Variants in RNF213 observed in about 807,000 individuals in gnomAD.
RNF213 encodes the protein ring finger protein 213, also known as E3 ubiquitin-protein ligase RNF213.
In RNF213, 341 loss-of-function variants were observed where a neutral mutation model predicts 514.4. The observed-to-expected ratio is 0.66, with a 90% CI of 0.61 to 0.73. The LOEUF (loss-of-function observed/expected upper bound fraction) is 0.73, where lower values mean the gene tolerates loss of function less well. Among genes scored for constraint, RNF213 ranks in the 30% least tolerant of loss-of-function variants. The pLI is 0.00. For missense variants in RNF213, 5,767 were observed against 6,615.6 expected (o/e 0.87, Z 4.45); for synonymous variants, 2,655 against 2,658.2 (o/e 1.00, Z 0.04).
In RNF213 at chr17:80,288,673, G is replaced by A. The variant is rs1200643587; in HGVS notation, c.851G>A (p.Gly284Glu). ...GCTGAGCCAGCCAATGCAGTTAAAG[G>A]GGCCGGGAAGGAAATGAAAGAGAAG... is the stretch of plus-strand genomic sequence containing the variant. ...AVAEPANAVK[G>E]AGKEMKEKTQ... is the part of the protein sequence containing the mutation. The change falls in exon 5 of 68, where the codon GGG becomes GAG. Residue 284 changes from glycine (G) to glutamate (E), a missense_variant. Gly to Glu is a moderately conservative substitution (Grantham distance 98). This residue lies in a region of RNF213 where 509 missense variants were observed against 496.7 expected (regional missense o/e 1.02). Transcript: ENST00000582970. This position sits in a 1 kb window ranked among gnomAD's most constrained non-coding sequence, Gnocchi z 4.9. The A allele has an allele frequency of 1.2e-6, 2 of 1,614,056 alleles. No homozygotes were observed. Among genetic ancestry groups the A allele is most frequent in the Non-Finnish European group, 1.7e-6 (2 of 1,180,040 alleles).
intron 44 of RNF213, 84 bp downstream of exon 44, chr17:80,368,227 A>G: frequency 2.1e-6 from 3 of 1,439,962 alleles, no homozygotes; most frequent in Middle Eastern, 1.7e-4. Flanking sequence ...TATAAACTCT[A>G]TTAACCTTCA....
chr17:80,345,365 G>C lies in RNF213; in HGVS notation c.7030G>C (p.Asp2344His), dbSNP rs765753313. The part of the protein sequence containing the change: ...SHLTGKVIKR[D>H]VMTRDLYQGL... Reference sequence around the variant, plus strand: ...CTTGACTGGGAAGGTCATCAAGAGAGACGTCATGACCAGGGACCTGTACCA... The same window carrying C: ...CTTGACTGGGAAGGTCATCAAGAGACACGTCATGACCAGGGACCTGTACCA... Residue 2344 changes from aspartate to histidine, a missense_variant, in exon 29 of 68, where the codon GAC becomes CAC. Asp to His is a moderately conservative substitution (Grantham distance 81). This residue lies in a region of RNF213 where 1,377 missense variants were observed against 1,635.2 expected (regional missense o/e 0.84). Coordinates refer to ENST00000582970, the MANE Select transcript of RNF213 (RefSeq NM_001256071.3). This position sits in a 1 kb window ranked among gnomAD's most constrained non-coding sequence, Gnocchi z 6.0. 1.2e-6 allele frequency: 2 copies of C among 1,614,120 alleles called. No homozygotes were observed. The highest frequency in any genetic ancestry group is 1.7e-6 in the Non-Finnish European group (2 of 1,180,034).
intron 61 of RNF213, 47 bp downstream of exon 61, chr17:80,385,668 G>T (rs749963950): frequency 2.6e-6 from 4 of 1,515,656 alleles, no homozygotes; most frequent in African/African-American, 1.4e-5. Flanking sequence ...GGAGAGCCTC[G>T]TCTGAAAGCT....
chr17:80,292,313 C>T (rs776086314), intron 8 of RNF213, among the ~76,000 whole-genome samples: 1 of 152,086 alleles, frequency 6.6e-6, no homozygotes, highest in Non-Finnish European at 1.5e-5. Context: ...GGTGATCTGC[C>T]CTCCTCGACC....
At chr17:80,327,490 A>G (rs188798935) in intron 18 of RNF213, among the ~76,000 whole-genome samples, 1 of 152,306 alleles carries the variant, frequency 6.6e-6, no homozygotes, top group East Asian at 1.9e-4. Context: ...AAAAAAAAAA[A>G]AAAAGGAAGT....
At chr17:80,290,753 G>A in intron 7 of RNF213, 25 bp downstream of exon 7, 1 of 1,613,902 alleles carries the variant, frequency 6.2e-7, no homozygotes, top group Non-Finnish European at 8.5e-7. Context: ...AGGCTTGGGA[G>A]GAATCCCTCA....
chr17:80,273,335 C>T lies in RNF213; in HGVS notation c.192C>T (p.Phe64=), dbSNP rs2043893438. Residue 64 remains phenylalanine, a synonymous_variant, in exon 3 of 68, where the codon TTC becomes TTT. Transcript: ENST00000582970. Reference sequence around the variant, plus strand: ...AGGAGGAAGGGGGCCCGTGCTTGTTCCCGGGCTCAGACAGTTGGCAAGAAA... The same window carrying T: ...AGGAGGAAGGGGGCCCGTGCTTGTTTCCGGGCTCAGACAGTTGGCAAGAAA... The part of the protein sequence containing the change: ...ELKEEGGPCL[F]PGSDSWQENP... The T allele has an allele frequency of 1.2e-6, 2 of 1,613,356 alleles. No homozygotes were observed. The highest frequency in any genetic ancestry group is 1.7e-6 in the Non-Finnish European group (2 of 1,180,006).
intron 17 of RNF213, among the ~76,000 whole-genome samples, chr17:80,322,430 G>A (rs556009794): frequency 1.1e-3 from 175 of 152,200 alleles, no homozygotes; most frequent in African/African-American, 4.0e-3. Context: ...CAAACAATTA[G>A]CTGGGCATGG....
At position 80,353,390 on chromosome 17, in the gene RNF213, C is replaced by T. The variant is rs2078604256; in HGVS notation, c.10424-122C>T. The stretch of plus-strand genomic sequence containing the variant: ...GATCTCTCATCTGGGGACCTAGCAC[C>T]ACAGCAGGGGCCGGGGAAGCCTGCA... On this transcript the variant is annotated intron_variant, in intron 33 of 67. Coordinates refer to ENST00000582970, the MANE Select transcript of RNF213 (RefSeq NM_001256071.3). The surrounding 1 kb of genome is among the most constrained non-coding windows in gnomAD (Gnocchi z 5.0). 8.6e-7 allele frequency: 1 copy of T among 1,163,298 alleles called. No individual in the cohort carries two copies. The highest frequency in any genetic ancestry group is 1.3e-5 in the South Asian group (1 of 75,822). 72.1% of individuals were successfully genotyped at this position (1,163,298 alleles called of 1,614,324 possible).
intron 13 of RNF213, 110 bp downstream of exon 13, chr17:80,307,311 T>G: frequency 1.2e-6 from 1 of 824,546 alleles, no homozygotes; most frequent in Non-Finnish European, 2.1e-6. Flanking sequence ...AGCAAGGTCA[T>G]AAATTAATAT....
chr17:80,308,270 C>G (rs1174845439), intron 13 of RNF213, among the ~76,000 whole-genome samples: 2 of 152,064 alleles, frequency 1.3e-5, no homozygotes, highest in South Asian at 2.1e-4. Context: ...GAGGATCCCC[C>G]CCACAAGCTC....
rs1384163838 is a variant in RNF213, at chr17:80,393,955, CAT to C, written c.*462_*463del. On this transcript the variant is annotated 3_prime_UTR_variant, in exon 68 of 68. Transcript: ENST00000582970. ...ATTCCCTTAAATTCTGAGTACTGTA[CAT>C]ATATTTCTGGGTTCCCACGATGATG... 1 of 165,632 alleles carries C rather than the reference CAT, an allele frequency of 6.0e-6. No homozygotes were observed. The highest frequency in any genetic ancestry group is 1.3e-5 in the Non-Finnish European group (1 of 75,524). 10.3% of individuals were successfully genotyped at this position (165,632 alleles called of 1,614,324 possible).
At chr17:80,364,608 A>C (rs1222196796) in intron 42 of RNF213, 55 bp downstream of exon 42, 42 of 1,611,304 alleles carry the variant, frequency 2.6e-5, no homozygotes, top group Non-Finnish European at 3.6e-5. Context: ...TTCCGAAAGG[A>C]AGAACAGCAC....
chr17:80,369,358 A>G, intron 44 of RNF213, 144 bp from the exon 45 acceptor site: 1 of 825,700 alleles, frequency 1.2e-6, no homozygotes, highest in South Asian at 1.4e-5. Context: ...AGATCGCGCC[A>G]CTGTACTCCA....
Position 80,361,774 on chromosome 17 carries a change from T to C in RNF213, c.11241T>C (p.Pro3747=), listed in dbSNP as rs988408685. 4.3e-6 allele frequency: 7 copies of C among 1,613,936 alleles called. No individual in the cohort carries two copies. The African/African-American group carries it at 5.3e-5, about 12-fold the overall frequency. Reference sequence around the variant, plus strand: ...TCGTGGACATCTTTCAGCAGACTCCTCTGGGCAGGTTTCTTGCCCAGCTCC... The same window carrying C: ...TCGTGGACATCTTTCAGCAGACTCCCCTGGGCAGGTTTCTTGCCCAGCTCC... ...KKFVDIFQQT[P]LGRFLAQLHG... Residue 3747 remains proline (P), a synonymous_variant, in exon 39 of 68, where the codon CCT becomes CCC. Coordinates refer to ENST00000582970, the MANE Select transcript of RNF213 (RefSeq NM_001256071.3).
At chr17:80,387,830 G>A (rs1211962646) in intron 63 of RNF213, among the ~76,000 whole-genome samples, 3 of 152,134 alleles carry the variant, frequency 2.0e-5, no homozygotes, top group Non-Finnish European at 4.4e-5. Flanking sequence ...AAGCCACACA[G>A]CAGGCACTTT....
Position 80,371,769 on chromosome 17 carries a change from C to T in RNF213, c.12426-105C>T, listed in dbSNP as rs1333722064. The T allele has an allele frequency of 5.6e-6, 3 of 537,616 alleles. No individual in the cohort carries two copies. In the African/African-American group the frequency reaches 5.8e-5, roughly 10 times the overall value. The allele number at this position is 537,616 out of a possible 1,614,324, so 33.3% of individuals were successfully genotyped here. On this transcript the variant is annotated intron_variant, in intron 46 of 67. Coordinates refer to ENST00000582970, the MANE Select transcript of RNF213 (RefSeq NM_001256071.3). ...ACGTATATGTATGTATATGTTTATACACACACACACACAGGACAGACGACC... is the reference window on the plus strand; with the variant it reads ...ACGTATATGTATGTATATGTTTATATACACACACACACAGGACAGACGACC...
In RNF213 at chr17:80,371,985, G is replaced by A. The variant is rs570724464; in HGVS notation, c.12537G>A (p.Glu4179=). 19 of 1,489,736 alleles carry A rather than the reference G, an allele frequency of 1.3e-5. No homozygotes were observed. The highest frequency in any genetic ancestry group is 1.7e-5 in the Admixed American group (1 of 59,882). The allele number at this position is 1,489,736 out of a possible 1,614,324, so 92.3% of individuals were successfully genotyped here. A position where few individuals can be genotyped will look rare whatever the true frequency, so the allele number is the denominator to read the frequency against. Residue 4179 remains glutamate (E), a splice_region_variant and synonymous_variant, in exon 47 of 68, where the codon GAG becomes GAA. Transcript: ENST00000582970. ...ELYMLFINCL[E]DSILEKTSAY... ...ACATGCTCTTCATCAACTGCCTGGA[G>A]GTAAGTGAACTCTCTCTTCCCTGAA... is the stretch of plus-strand genomic sequence containing the variant.
chr17:80,279,030 A>G (rs1782349697), intron 3 of RNF213: 3 of 1,356,986 alleles, frequency 2.2e-6, no homozygotes, highest in Non-Finnish European at 3.0e-6. Context: ...AAGGCTGCCC[A>G]GGATGGGCGT....
Sources: allele counts gnomAD v4.1 joint callset (sites outside exome capture counted in the v4.1 genomes callset), GRCh38; gene constraint gnomAD v4.1.1; regional missense constraint gnomAD v4.1.1; non-coding constraint Gnocchi (gnomAD v3.1); transcripts MANE v1.5; gene names NCBI Gene and HGNC (gene_info 2026-07-23, HGNC 2026-07-21).